Variants in KIF6 observed in about 807,000 individuals in gnomAD.
The protein encoded by KIF6 is kinesin family member 6, also known as kinesin-like protein KIF6.
A neutral mutation model predicts 112.7 loss-of-function variants in KIF6; 106 were observed. The ratio of observed to expected loss-of-function variants is 0.94; its 90% CI spans 0.80 to 1.11. The LOEUF is 1.11. KIF6 is among the 50% of genes least tolerant of loss of function. KIF6 has a pLI of 0.00. For missense variants in KIF6, 929 were observed against 964.0 expected, an observed-to-expected ratio of 0.96 and a Z score of 0.48; for synonymous variants, 339 against 339.9, an observed-to-expected ratio of 1.00 and a Z score of 0.03.
intron 13 of KIF6, among the ~76,000 whole-genome samples, chr6:39,434,873 A>G (rs971452049): frequency 6.6e-6 from 1 of 152,196 alleles, no homozygotes; most frequent in African/African-American, 2.4e-5. Context: ...CAACCTGATT[A>G]ATATGGGTGG....
chr6:39,395,304 T>A (rs1768180509), intron 15 of KIF6, among the ~76,000 whole-genome samples: 1 of 152,188 alleles, frequency 6.6e-6, no homozygotes, highest in Admixed American at 6.5e-5. Flanking sequence ...TATAAACAGA[T>A]TCAGAGAATT....
At chr6:39,547,782 C>G (rs1779142325) in intron 10 of KIF6, among the ~76,000 whole-genome samples, 1 of 152,132 alleles carries the variant, frequency 6.6e-6, no homozygotes, top group African/African-American at 2.4e-5. Flanking sequence ...AGTGCATACA[C>G]AGTAAAGGTA....
At chr6:39,479,725 A>G in intron 13 of KIF6, among the ~76,000 whole-genome samples, 1 of 152,164 alleles carries the variant, frequency 6.6e-6, no homozygotes, top group East Asian at 1.9e-4. Context: ...CTATCCATCC[A>G]TGAGCATGGG....
At chr6:39,590,664 T>C (rs1781901841) in intron 7 of KIF6, among the ~76,000 whole-genome samples, 1 of 152,038 alleles carries the variant, frequency 6.6e-6, no homozygotes, top group Non-Finnish European at 1.5e-5. Context: ...TTGGCCAGGC[T>C]GATCTCAAAC....
chr6:39,687,964 A>G (rs774471288), intron 3 of KIF6, among the ~76,000 whole-genome samples: 13 of 152,178 alleles, frequency 8.5e-5, no homozygotes, highest in Non-Finnish European at 1.6e-4. Context: ...GTGTGTGTGT[A>G]TATACAGGGG....
chr6:39,626,152 C>G (rs573710111), intron 5 of KIF6, among the ~76,000 whole-genome samples: 42 of 152,288 alleles, frequency 2.8e-4, no homozygotes, highest in African/African-American at 8.2e-4. Context: ...TCAGTTTCCC[C>G]TCTTCTGCCC....
At chr6:39,667,054 A>C (rs1391459117) in intron 3 of KIF6, among the ~76,000 whole-genome samples, 2 of 152,188 alleles carry the variant, frequency 1.3e-5, no homozygotes, top group Non-Finnish European at 2.9e-5. Flanking sequence ...CTGTGTTGTA[A>C]GAAATAGAGT....
chr6:39,380,376 A>G (rs1356053312), intron 16 of KIF6, among the ~76,000 whole-genome samples: 1 of 152,190 alleles, frequency 6.6e-6, no homozygotes, highest in Non-Finnish European at 1.5e-5. Flanking sequence ...TGTCTTCATT[A>G]GTTCTCCTGT....
intron 3 of KIF6, among the ~76,000 whole-genome samples, chr6:39,660,529 C>T (rs1786076696): frequency 7.5e-6 from 1 of 132,494 alleles, no homozygotes; most frequent in Admixed American, 7.5e-5. Context: ...AAAATGCTCA[C>T]ACAATCTTGT....
chr6:39,385,642 T>C lies in KIF6; in HGVS notation c.1841A>G (p.His614Arg). ...CCTACCTAGGGCTACTTGCTGTATA[T>C]GCCGCTGGGTGATTTCTTCCTTCAG... is the stretch of plus-strand genomic sequence containing the variant. ...GHLKEEITQR[H>R]IQQVALGISE... The change falls in exon 16 of 23, where the codon CAT (histidine) becomes CGT (arginine). Residue 614 changes from histidine to arginine, a missense_variant. Transcript: ENST00000287152. 1 of 1,613,796 alleles carries C rather than the reference T, an allele frequency of 6.2e-7. No homozygotes were observed. The highest frequency in any genetic ancestry group is 1.3e-5 in the African/African-American group (1 of 74,968).
chr6:39,595,182 G>A (rs970561295), intron 7 of KIF6, among the ~76,000 whole-genome samples: 1 of 152,258 alleles, frequency 6.6e-6, no homozygotes, highest in African/African-American at 2.4e-5. Context: ...AAACATGTCG[G>A]TTATCTCAAA....
intron 13 of KIF6, among the ~76,000 whole-genome samples, chr6:39,530,599 G>T (rs1777996665): frequency 6.6e-6 from 1 of 152,156 alleles, no homozygotes; most frequent in Non-Finnish European, 1.5e-5. Context: ...CAATGACTCT[G>T]CAGGGCTCTC....
At chr6:39,488,523 G>A (rs751852340) in intron 13 of KIF6, among the ~76,000 whole-genome samples, 17 of 152,102 alleles carry the variant, frequency 1.1e-4, no homozygotes, top group Non-Finnish European at 2.2e-4. Flanking sequence ...CCTGGGTTAG[G>A]TCTCCTTCTG....
At chr6:39,698,846 C>T (rs909754124) in intron 3 of KIF6, among the ~76,000 whole-genome samples, 2 of 152,284 alleles carry the variant, frequency 1.3e-5, no homozygotes, top group African/African-American at 4.8e-5. Context: ...ACATTCAGTG[C>T]ATGGCTCTAT....
At chr6:39,573,689 G>T (rs1288341868) in intron 10 of KIF6, among the ~76,000 whole-genome samples, 3 of 152,316 alleles carry the variant, frequency 2.0e-5, no homozygotes, top group African/African-American at 7.2e-5. Context: ...AAATGCTGAA[G>T]TTTATTTAGT....
rs1250984633 is a variant in KIF6, at chr6:39,701,222, C to T, written c.251+13470G>A. Among the ~76,000 whole-genome samples, 5 of 152,210 alleles carry T rather than the reference C, an allele frequency of 3.3e-5. No individual in the cohort carries two copies. The East Asian group carries it at 9.6e-4, about 29-fold the overall frequency. On this transcript the variant is annotated intron_variant, in intron 3 of 22. Coordinates refer to ENST00000287152, the MANE Select transcript of KIF6 (RefSeq NM_145027.6). ...CAGACACTCAGGACAAAGAGATTGGCTCTGGTACCTATGGGATAGCCACCT... is the reference window on the plus strand; with the variant it reads ...CAGACACTCAGGACAAAGAGATTGGTTCTGGTACCTATGGGATAGCCACCT...
At chr6:39,506,160 T>C (rs1026027411) in intron 13 of KIF6, among the ~76,000 whole-genome samples, 10 of 152,180 alleles carry the variant, frequency 6.6e-5, no homozygotes, top group African/African-American at 2.4e-4. Context: ...CACCATGGAA[T>C]ACTATGCAGC....
At chr6:39,664,478 C>G (rs112279287) in intron 3 of KIF6, among the ~76,000 whole-genome samples, 234 of 152,218 alleles carry the variant, frequency 1.5e-3, no homozygotes, top group African/African-American at 5.4e-3. Flanking sequence ...TCGTGTCCTC[C>G]GGACCCAAAA....
intron 16 of KIF6, among the ~76,000 whole-genome samples, chr6:39,374,675 G>T (rs767991028): frequency 2.0e-5 from 3 of 152,156 alleles, no homozygotes; most frequent in Non-Finnish European, 4.4e-5. Context: ...ATCACAATAA[G>T]ATAGCACCTC....
Sources: allele counts gnomAD v4.1 joint callset (sites outside exome capture counted in the v4.1 genomes callset), GRCh38; gene constraint gnomAD v4.1.1; transcripts MANE v1.5; gene names NCBI Gene and HGNC (gene_info 2026-07-23, HGNC 2026-07-21).